Variants in TRAPPC8 observed in about 807,000 individuals in gnomAD.
TRAPPC8 encodes the protein trafficking protein particle complex subunit 8.
In TRAPPC8, 54 loss-of-function variants were observed where a neutral mutation model predicts 174.3. The ratio of observed to expected loss-of-function variants is 0.31; its 90% CI spans 0.25 to 0.39. The LOEUF (loss-of-function observed/expected upper bound fraction) is 0.39, where lower values mean the gene tolerates loss of function less well. TRAPPC8 is among the 10% of genes least tolerant of loss of function. TRAPPC8 has a pLI of 1.00. For missense variants in TRAPPC8, 1,531 were observed against 1,699.1 expected (o/e 0.90, Z 1.74); for synonymous variants, 630 against 579.9 (o/e 1.09, Z -1.24).
chr18:31,840,394 G>A (rs2033024518), intron 26 of TRAPPC8, among the ~76,000 whole-genome samples: 1 of 151,930 alleles, frequency 6.6e-6, no homozygotes, highest in Admixed American at 6.6e-5. Context: ...AGGGAGGGAG[G>A]CAGGGAGTTG....
Position 31,901,366 on chromosome 18 carries a change from T to C in TRAPPC8, c.1390-341A>G, listed in dbSNP as rs2036418084. 2.0e-5 allele frequency among the ~76,000 whole-genome samples: 3 copies of C among 152,320 alleles called. No individual in the cohort carries two copies. In the South Asian group the frequency reaches 6.2e-4, roughly 32 times the overall value. On this transcript the variant is annotated intron_variant, in intron 9 of 28. Coordinates refer to ENST00000283351, the MANE Select transcript of TRAPPC8 (RefSeq NM_014939.5). ...CTGCAGTACCTTCAATTAAGGCCTT[T>C]AAAACATATCCTTAAAGACTAGTGG... is the stretch of plus-strand genomic sequence containing the variant.
At chr18:31,867,522 T>A in intron 16 of TRAPPC8, 46 bp from the exon 17 acceptor site, 1 of 1,286,568 alleles carries the variant, frequency 7.8e-7, no homozygotes, top group Non-Finnish European at 1.1e-6. Context: ...GAACAAAGTA[T>A]CAGATTATTA....
intron 9 of TRAPPC8, 73 bp from the exon 10 acceptor site, chr18:31,901,098 T>C (rs1385065533): frequency 1.6e-5 from 22 of 1,359,958 alleles, no homozygotes; most frequent in Admixed American, 5.3e-5. Context: ...AAACTAAAAG[T>C]TGGAATGAAA....
intron 9 of TRAPPC8, among the ~76,000 whole-genome samples, chr18:31,903,983 C>G (rs1160900243): frequency 6.6e-6 from 1 of 152,114 alleles, no homozygotes; most frequent in Non-Finnish European, 1.5e-5. Context: ...TGCCTGTAAC[C>G]CCAGCACTTT....
intron 20 of TRAPPC8, 57 bp downstream of exon 20, chr18:31,857,483 A>G: frequency 1.5e-6 from 2 of 1,329,192 alleles, no homozygotes; most frequent in Non-Finnish European, 2.0e-6. Flanking sequence ...GTTTATCTGA[A>G]TATGTGCATA....
At chr18:31,929,981 T>G (rs2037780612) in intron 2 of TRAPPC8, among the ~76,000 whole-genome samples, 1 of 152,016 alleles carries the variant, frequency 6.6e-6, no homozygotes, top group Non-Finnish European at 1.5e-5. Flanking sequence ...GAATTAAAAC[T>G]AAAGGCAAAG....
At chr18:31,904,078 A>G (rs1448827447) in intron 9 of TRAPPC8, among the ~76,000 whole-genome samples, 6 of 152,132 alleles carry the variant, frequency 3.9e-5, no homozygotes, top group Non-Finnish European at 8.8e-5. Context: ...TCTACAAAAA[A>G]TATAAAAATT....
At chr18:31,920,200 G>C (rs2037323341) in intron 2 of TRAPPC8, among the ~76,000 whole-genome samples, 2 of 152,130 alleles carry the variant, frequency 1.3e-5, no homozygotes, top group Non-Finnish European at 2.9e-5. Flanking sequence ...AATGTTTCCT[G>C]AATTAAACAA....
chr18:31,859,069 G>A (rs1203233327), intron 19 of TRAPPC8, among the ~76,000 whole-genome samples: 1 of 151,734 alleles, frequency 6.6e-6, no homozygotes, highest in Non-Finnish European at 1.5e-5. Flanking sequence ...CTCCAGCCTG[G>A]GTGACAGAGT....
chr18:31,942,801 GC>G lies in TRAPPC8; in HGVS notation c.-38del. 2 of 1,349,358 alleles carry G rather than the reference GC, an allele frequency of 1.5e-6. No individual in the cohort carries two copies. Among genetic ancestry groups the G allele is most frequent in the Non-Finnish European group, 1.9e-6 (2 of 1,042,092 alleles). 83.6% of individuals were successfully genotyped at this position (1,349,358 alleles called of 1,614,324 possible). ...AGGCAGCGGCGGCGCCCGCCCTCCG[GC>G]CCACCCTGCGAGGTTATCCTGCGGC... On this transcript the variant is annotated 5_prime_UTR_variant, in exon 1 of 29. Coordinates refer to ENST00000283351, the MANE Select transcript of TRAPPC8 (RefSeq NM_014939.5).
At chr18:31,872,088 C>T (rs927922640) in intron 14 of TRAPPC8, among the ~76,000 whole-genome samples, 11 of 152,092 alleles carry the variant, frequency 7.2e-5, no homozygotes, top group Non-Finnish European at 1.3e-4. Context: ...AAATAGTATA[C>T]ATTGTACCCA....
chr18:31,890,072 T>C (rs1382869974), intron 12 of TRAPPC8, among the ~76,000 whole-genome samples: 4 of 152,232 alleles, frequency 2.6e-5, no homozygotes, highest in Non-Finnish European at 5.9e-5. Context: ...TATGGGTGAA[T>C]GTTCAGCTCC....
chr18:31,866,911 A>C lies in TRAPPC8; in HGVS notation c.2528T>G (p.Leu843Arg). The change falls in exon 18 of 29, where the codon CTT (leucine) becomes CGT (arginine). Residue 843 changes from leucine to arginine, a missense_variant. Leu to Arg is a moderately radical substitution (Grantham distance 102, BLOSUM62 -2). Transcript: ENST00000283351. ...ELHILGVVYNLGTIQGSMTVD... is the reference protein window; with the variant it reads ...ELHILGVVYNRGTIQGSMTVD... ...TGTCATAGAGCCCTGAATAGTGCCA[A>C]GATTATAAACAACTCCCAGAATATG... 1 of 1,613,778 alleles carries C rather than the reference A, an allele frequency of 6.2e-7. No homozygotes were observed. Among genetic ancestry groups the C allele is most frequent in the Non-Finnish European group, 8.5e-7 (1 of 1,179,796 alleles).
At chr18:31,900,777 A>G (rs2036386274) in intron 10 of TRAPPC8, 148 bp downstream of exon 10, 2 of 592,130 alleles carry the variant, frequency 3.4e-6, no homozygotes, top group Non-Finnish European at 5.6e-6. Flanking sequence ...AGAAAAAGGT[A>G]TAATAAAACA....
intron 24 of TRAPPC8, among the ~76,000 whole-genome samples, chr18:31,852,031 TTTA>T (rs2033732834): frequency 6.6e-6 from 1 of 152,078 alleles, no homozygotes; most frequent in Admixed American, 6.6e-5. Flanking sequence ...AGTTCAGATG[TTTA>T]TTATCCTCCA....
At chr18:31,836,552 A>G (rs2032733360) in intron 27 of TRAPPC8, among the ~76,000 whole-genome samples, 1 of 152,184 alleles carries the variant, frequency 6.6e-6, no homozygotes, top group Admixed American at 6.5e-5. Flanking sequence ...GAAGTAGAAG[A>G]TTGGGTTAAA....
chr18:31,854,627 C>T (rs1023914071), intron 21 of TRAPPC8, among the ~76,000 whole-genome samples: 24 of 152,072 alleles, frequency 1.6e-4, no homozygotes, highest in African/African-American at 5.8e-4. Flanking sequence ...CAATCTAATG[C>T]TAAGAGTCCT....
At chr18:31,882,412 C>T (rs542916355) in intron 12 of TRAPPC8, among the ~76,000 whole-genome samples, 148 of 151,378 alleles carry the variant, frequency 9.8e-4, no homozygotes, top group Non-Finnish European at 1.6e-3. Flanking sequence ...TGGGCATGCA[C>T]GGACATAAAG....
At chr18:31,856,083 T>C (rs2033991624) in intron 20 of TRAPPC8, among the ~76,000 whole-genome samples, 1 of 152,056 alleles carries the variant, frequency 6.6e-6, no homozygotes, top group South Asian at 2.1e-4. Context: ...CTTCATATGG[T>C]AATGTTCTGA....
Sources: gnomAD v4.1 joint callset for allele counts (sites outside exome capture counted in the v4.1 genomes callset) on GRCh38, gnomAD v4.1.1 for gene constraint, MANE v1.5 for transcripts, NCBI Gene and HGNC (gene_info 2026-07-23, HGNC 2026-07-21) for gene names.